The following FARS2 variants were observed in gnomAD, a reference collection of about 807,000 sequenced individuals.
The protein encoded by FARS2 is phenylalanyl-tRNA synthetase 2, mitochondrial.
In FARS2, 40 loss-of-function variants were observed where a neutral mutation model predicts 46.4. The ratio of observed to expected loss-of-function variants is 0.86; its 90% CI spans 0.67 to 1.12. The LOEUF is 1.12. Ranked by LOEUF, FARS2 falls within the 50% of genes most tolerant of loss-of-function variation. The probability of loss-of-function intolerance (pLI) is 0.00; values close to 1 mark genes in which losing one functional copy is unlikely to be tolerated. For missense variants in FARS2, 513 were observed against 567.9 expected, an observed-to-expected ratio of 0.90 and a Z score of 0.98; for synonymous variants, 234 against 214.9, an observed-to-expected ratio of 1.09 and a Z score of -0.78.
At chr6:5,283,668 T>G (rs80008792) in intron 1 of FARS2, among the ~76,000 whole-genome samples, 2,798 of 152,308 alleles carry the variant, frequency 0.018, 81 homozygotes, top group African/African-American at 0.064. Flanking sequence ...TATGCATGTA[T>G]ATGCATAAAC....
chr6:5,631,241 T>A (rs1251883997), intron 6 of FARS2, among the ~76,000 whole-genome samples: 1 of 152,218 alleles, frequency 6.6e-6, no homozygotes, highest in Non-Finnish European at 1.5e-5. Flanking sequence ...TACCTATGCA[T>A]TGAACATCTT....
chr6:5,716,554 G>A (rs552301980), intron 6 of FARS2, among the ~76,000 whole-genome samples: 2 of 152,340 alleles, frequency 1.3e-5, no homozygotes, highest in East Asian at 3.9e-4. Flanking sequence ...ACACCAGCAG[G>A]TGTCCTCCAA....
chr6:5,414,022 C>T (rs1762082502), intron 3 of FARS2, among the ~76,000 whole-genome samples: 1 of 152,150 alleles, frequency 6.6e-6, no homozygotes, highest in Admixed American at 6.6e-5. Context: ...GATGTCATCT[C>T]ACAATAAAAC....
intron 6 of FARS2, among the ~76,000 whole-genome samples, chr6:5,677,115 A>T (rs1438393105): frequency 6.6e-6 from 1 of 152,228 alleles, no homozygotes; most frequent in Non-Finnish European, 1.5e-5. Context: ...CAAACCAAAG[A>T]TGATTAATTT....
chr6:5,653,849 C>T (rs1777486052), intron 6 of FARS2, among the ~76,000 whole-genome samples: 1 of 152,000 alleles, frequency 6.6e-6, no homozygotes, highest in African/African-American at 2.4e-5. Flanking sequence ...GGGCAGGCTG[C>T]ATCTTCGTGG....
chr6:5,580,646 T>A (rs1283766409), intron 5 of FARS2, among the ~76,000 whole-genome samples: 1 of 152,110 alleles, frequency 6.6e-6, no homozygotes, highest in Non-Finnish European at 1.5e-5. Context: ...ACTGAGAACT[T>A]GCCTGAGAGA....
intron 1 of FARS2, among the ~76,000 whole-genome samples, chr6:5,276,783 C>T (rs1315774978): frequency 6.6e-6 from 1 of 152,306 alleles, no homozygotes. Flanking sequence ...GCTGGCTGTA[C>T]TAAGCCGGGC....
chr6:5,326,164 G>A (rs764032843), intron 1 of FARS2, among the ~76,000 whole-genome samples: 6 of 152,154 alleles, frequency 3.9e-5, no homozygotes, highest in Non-Finnish European at 8.8e-5. Context: ...GCCCAATATG[G>A]CTGAATGCAG....
chr6:5,373,584 G>T (rs1275432004), intron 2 of FARS2, among the ~76,000 whole-genome samples: 2 of 152,100 alleles, frequency 1.3e-5, no homozygotes, highest in Non-Finnish European at 1.5e-5. Context: ...AATGCTAAGG[G>T]TTTAGAAATG....
chr6:5,260,909 AGGCGTCCCGCGCCGCTTCGGGGGCG>A, upstream of FARS2: 1 of 1,376,388 alleles, frequency 7.3e-7, no homozygotes, highest in Middle Eastern at 2.7e-4. Flanking sequence ...GGACGGCGCC[AGGCGTCCCGCGCCGCTTCGGGGGCG>A]GGCGCAGGCA....
chr6:5,638,877 G>T (rs1776673448), intron 6 of FARS2, among the ~76,000 whole-genome samples: 3 of 152,206 alleles, frequency 2.0e-5, no homozygotes, highest in Non-Finnish European at 4.4e-5. Context: ...CTGAATGCCT[G>T]GCACCCAGCC....
chr6:5,444,276 G>A (rs1373259438), intron 4 of FARS2, among the ~76,000 whole-genome samples: 2 of 152,054 alleles, frequency 1.3e-5, no homozygotes, highest in African/African-American at 4.8e-5. Flanking sequence ...CGACCAGCCT[G>A]ACCAACATGG....
intron 4 of FARS2, among the ~76,000 whole-genome samples, chr6:5,529,824 T>C (rs917347606): frequency 6.6e-6 from 1 of 152,114 alleles, no homozygotes; most frequent in African/African-American, 2.4e-5. Context: ...TGAAAGGTGA[T>C]TGCACCCTGG....
intron 6 of FARS2, among the ~76,000 whole-genome samples, chr6:5,618,780 A>G (rs1240572908): frequency 6.6e-6 from 1 of 152,210 alleles, no homozygotes; most frequent in Non-Finnish European, 1.5e-5. Flanking sequence ...GTAGTTCTAA[A>G]CTTAATGTAA....
chr6:5,290,266 G>T (rs946946968), intron 1 of FARS2, among the ~76,000 whole-genome samples: 2 of 152,154 alleles, frequency 1.3e-5, no homozygotes, highest in Non-Finnish European at 2.9e-5. Context: ...AGTAATGCTT[G>T]ACAACTCATG....
chr6:5,514,752 C>G (rs1198476672), intron 4 of FARS2, among the ~76,000 whole-genome samples: 1 of 151,514 alleles, frequency 6.6e-6, no homozygotes, highest in Non-Finnish European at 1.5e-5. Context: ...AATCTTCCCC[C>G]AAAATGACAT....
intron 5 of FARS2, among the ~76,000 whole-genome samples, chr6:5,602,577 G>A (rs1180606326): frequency 7.1e-6 from 1 of 140,638 alleles, no homozygotes; most frequent in Non-Finnish European, 1.5e-5. Flanking sequence ...GACCCAGGAG[G>A]CAGAGGTTGC....
chr6:5,388,847 C>T (rs1188591006), intron 2 of FARS2, among the ~76,000 whole-genome samples: 2 of 152,030 alleles, frequency 1.3e-5, no homozygotes, highest in African/African-American at 4.8e-5. Flanking sequence ...AGCTATTCCT[C>T]CAGGTGGAAC....
intron 6 of FARS2, among the ~76,000 whole-genome samples, chr6:5,684,102 C>T (rs1002073897): frequency 1.1e-4 from 16 of 152,142 alleles, no homozygotes; most frequent in Admixed American, 9.2e-4. Flanking sequence ...CCTCAGAACG[C>T]GGTTTCTTGT....
Sources: gnomAD v4.1 joint callset for allele counts (sites outside exome capture counted in the v4.1 genomes callset) on GRCh38, gnomAD v4.1.1 for gene constraint, MANE v1.5 for transcripts, NCBI Gene and HGNC (gene_info 2026-07-23, HGNC 2026-07-21) for gene names.